Variants in DNMBP observed in about 807,000 individuals in gnomAD.
The protein encoded by DNMBP is dynamin-binding protein.
Under a neutral mutation model 150.0 loss-of-function variants are expected in DNMBP, and 87 were observed. The observed-to-expected ratio is 0.58, with a 90% CI of 0.49 to 0.69. DNMBP has a LOEUF of 0.69. Ranked by LOEUF, DNMBP falls within the 30% of genes least tolerant of loss-of-function variation. The pLI is 0.00. For missense variants in DNMBP, 1,774 were observed against 1,949.0 expected (o/e 0.91, Z 1.69); for synonymous variants, 711 against 750.4 (o/e 0.95, Z 0.86).
chr10:99,924,973 CCT>C (rs759484261), intron 4 of DNMBP, among the ~76,000 whole-genome samples: 2 of 152,252 alleles, frequency 1.3e-5, no homozygotes, highest in East Asian at 1.9e-4. Context: ...TCCTAAACTC[CCT>C]GTCATATGCT....
intron 1 of DNMBP, among the ~76,000 whole-genome samples, chr10:99,990,810 C>CAT (rs10531743): frequency 0.32 from 46,475 of 146,470 alleles, 8,743 homozygotes; most frequent in Non-Finnish European, 0.42. Flanking sequence ...CATATATACA[C>CAT]ATATATATAT....
intron 4 of DNMBP, among the ~76,000 whole-genome samples, chr10:99,945,218 A>G (rs2133311807): frequency 6.6e-6 from 1 of 152,366 alleles, no homozygotes; most frequent in East Asian, 1.9e-4. Flanking sequence ...AGGAAACAAG[A>G]GAAGGTACTA....
chr10:99,888,196 T>G (rs901204666), intron 12 of DNMBP, among the ~76,000 whole-genome samples: 2 of 140,478 alleles, frequency 1.4e-5, no homozygotes, highest in African/African-American at 3.0e-5. Context: ...GTCTTCAAGG[T>G]TTTTTTTTTG....
chr10:99,930,024 A>G (rs1221747091), intron 4 of DNMBP: 1 of 702,980 alleles, frequency 1.4e-6, no homozygotes, highest in Non-Finnish European at 2.6e-6. Context: ...TTTGGGATAC[A>G]TGTTGTCATT....
At chr10:99,922,650 T>C (rs1401840032) in intron 4 of DNMBP, among the ~76,000 whole-genome samples, 1 of 151,584 alleles carries the variant, frequency 6.6e-6, no homozygotes, top group African/African-American at 2.4e-5. Context: ...CCTGAACTGC[T>C]GGGACCACAG....
At chr10:99,969,410 T>C (rs889210537) in intron 2 of DNMBP, among the ~76,000 whole-genome samples, 173 bp from the exon 3 acceptor site, 1 of 152,184 alleles carries the variant, frequency 6.6e-6, no homozygotes, top group Admixed American at 6.5e-5. Context: ...CAAAACTAGA[T>C]GCATGCAGGA....
chr10:99,952,763 CT>C (rs942902793), intron 4 of DNMBP, among the ~76,000 whole-genome samples: 2 of 152,228 alleles, frequency 1.3e-5, no homozygotes, highest in East Asian at 1.9e-4. Flanking sequence ...CAATAATACT[CT>C]TTTTTATTGG....
intron 12 of DNMBP, 138 bp downstream of exon 12, chr10:99,888,687 C>A: frequency 1.0e-6 from 1 of 985,634 alleles, no homozygotes; most frequent in South Asian, 1.7e-5. Context: ...GAATATCAAA[C>A]CCCAATATGA....
chr10:99,949,098 T>C (rs1379322755), intron 4 of DNMBP, among the ~76,000 whole-genome samples: 1 of 152,178 alleles, frequency 6.6e-6, no homozygotes, highest in Non-Finnish European at 1.5e-5. Flanking sequence ...GGGCCTGCCA[T>C]CTCTGCACTG....
intron 1 of DNMBP, among the ~76,000 whole-genome samples, chr10:99,996,315 G>T (rs2040950954): frequency 6.6e-6 from 1 of 152,122 alleles, no homozygotes; most frequent in African/African-American, 2.4e-5. Flanking sequence ...GAGGTCAGAA[G>T]TTTGAGACCA....
rs199893285 is a variant in DNMBP, at chr10:99,893,966, C to CT, written c.3156+979dup. ...TATACCATTTTATTCAGTTTAAAAACTTTTTTTTTAAAAAAGTTAAGGATC... is the reference window on the plus strand; with the variant it reads ...TATACCATTTTATTCAGTTTAAAAACTTTTTTTTTTAAAAAAGTTAAGGATC... On this transcript the variant is annotated intron_variant, in intron 11 of 16. Transcript: ENST00000324109. Among the ~76,000 whole-genome samples, 1,025 of 151,688 alleles carry CT rather than the reference C, an allele frequency of 6.8e-3. 8 individuals carry two copies. The highest frequency in any genetic ancestry group is 0.01 in the Middle Eastern group (3 of 294).
chr10:99,878,457 T>G (rs1277301397), intron 16 of DNMBP, among the ~76,000 whole-genome samples: 1 of 152,210 alleles, frequency 6.6e-6, no homozygotes, highest in Non-Finnish European at 1.5e-5. Context: ...GATGTGTCTA[T>G]AATAACTGTC....
At chr10:99,951,812 C>T (rs1273429418) in intron 4 of DNMBP, among the ~76,000 whole-genome samples, 1 of 152,096 alleles carries the variant, frequency 6.6e-6, no homozygotes, top group Non-Finnish European at 1.5e-5. Flanking sequence ...GATGAGACGT[C>T]GAACTGTGGA....
intron 1 of DNMBP, among the ~76,000 whole-genome samples, chr10:99,986,594 CA>C (rs747726572): frequency 1.6e-3 from 118 of 74,100 alleles, no homozygotes; most frequent in African/African-American, 2.2e-3. Context: ...GACTCCGTCT[CA>C]AAAAAAAAAA....
chr10:99,948,201 A>G (rs988572080), intron 4 of DNMBP, among the ~76,000 whole-genome samples: 1 of 152,254 alleles, frequency 6.6e-6, no homozygotes, highest in Admixed American at 6.5e-5. Context: ...GGCTCACAAC[A>G]ACAAACCGTG....
At chr10:99,965,496 C>CTTTT (rs35603478) in intron 3 of DNMBP, among the ~76,000 whole-genome samples, 1 of 134,392 alleles carries the variant, frequency 7.4e-6, no homozygotes. Flanking sequence ...ATCTCACATA[C>CTTTT]TTTTTTTTTT....
chr10:99,995,470 G>A (rs1473448691), intron 1 of DNMBP, among the ~76,000 whole-genome samples: 1 of 152,072 alleles, frequency 6.6e-6, no homozygotes, highest in East Asian at 1.9e-4. Flanking sequence ...AGCTAGTCCC[G>A]GCATACAAGT....
At chr10:99,929,578 T>C (rs2040122309) in intron 4 of DNMBP, 2 of 628,262 alleles carry the variant, frequency 3.2e-6, no homozygotes, top group African/African-American at 1.8e-5. Context: ...TCTTTATGCT[T>C]TATCTTAAGA....
At chr10:99,964,874 G>GAAAA (rs757761293) in intron 3 of DNMBP, among the ~76,000 whole-genome samples, 1 of 134,878 alleles carries the variant, frequency 7.4e-6, no homozygotes, top group Non-Finnish European at 1.6e-5. Context: ...CCAGCCCAAG[G>GAAAA]AAAAAAAAAA....
Sources: allele counts gnomAD v4.1 joint callset (sites outside exome capture counted in the v4.1 genomes callset), GRCh38; gene constraint gnomAD v4.1.1; transcripts MANE v1.5; gene names NCBI Gene and HGNC (gene_info 2026-07-23, HGNC 2026-07-21).